LRRN1: variants seen among roughly 807,000 people sequenced by gnomAD.
LRRN1 encodes leucine-rich repeat neuronal protein 1.
LRRN1 carries 14 observed loss-of-function variants against 45.8 expected under a neutral mutation model. That is an observed-to-expected ratio of 0.31 (90% CI 0.20 to 0.48). The LOEUF (loss-of-function observed/expected upper bound fraction) is 0.48, where lower values mean the gene tolerates loss of function less well. LRRN1 is among the 20% of genes least tolerant of loss of function. The pLI is 0.99. For synonymous variants in LRRN1, 359 were observed against 330.1 expected (o/e 1.09, Z -0.95); for missense variants, 789 against 874.2 (o/e 0.90, Z 1.23).
intron 1 of LRRN1, among the ~76,000 whole-genome samples, chr3:3,812,522 T>A (rs557916498): frequency 1.3e-5 from 2 of 152,226 alleles, no homozygotes; most frequent in Non-Finnish European, 2.9e-5. Flanking sequence ...CTTTTCTGCC[T>A]ACTTCCAAAG....
At chr3:3,812,986 A>G (rs1457855784) in intron 1 of LRRN1, among the ~76,000 whole-genome samples, 1 of 152,180 alleles carries the variant, frequency 6.6e-6, no homozygotes, top group Non-Finnish European at 1.5e-5. Context: ...CTTTCATTGT[A>G]GTGAACCTCT....
chr3:3,840,181 A>T (rs578118758), intron 1 of LRRN1, among the ~76,000 whole-genome samples: 6 of 152,232 alleles, frequency 3.9e-5, no homozygotes, highest in African/African-American at 1.4e-4. Flanking sequence ...TGTTTTTATC[A>T]TGAAAAAGTG....
At chr3:3,809,960 C>G (rs767577163) in intron 1 of LRRN1, among the ~76,000 whole-genome samples, 20 of 152,104 alleles carry the variant, frequency 1.3e-4, no homozygotes, top group African/African-American at 4.6e-4. Context: ...TTTTAAGGGA[C>G]AAGAAGACTC....
At chr3:3,811,114 G>A (rs1171105731) in intron 1 of LRRN1, among the ~76,000 whole-genome samples, 3 of 152,096 alleles carry the variant, frequency 2.0e-5, no homozygotes. Flanking sequence ...TAAGTGTGCT[G>A]AGAGGAACAC....
In LRRN1 at chr3:3,845,111, C is replaced by G. The variant is rs1487007543; in HGVS notation, c.470C>G (p.Thr157Ser). The G allele has an allele frequency of 6.2e-7, 1 of 1,614,034 alleles. No individual in the cohort carries two copies. Among genetic ancestry groups the G allele is most frequent in the Non-Finnish European group, 8.5e-7 (1 of 1,180,032 alleles). ...ELYINHNQIS[T>S]ISAHAFAGLK... Reference sequence around the variant, plus strand: ...TACATCAACCACAACCAAATTAGCACTATTTCTGCTCATGCTTTTGCAGGC... The same window carrying G: ...TACATCAACCACAACCAAATTAGCAGTATTTCTGCTCATGCTTTTGCAGGC... Residue 157 changes from threonine (T) to serine (S), a missense_variant, in exon 2 of 2, where the codon ACT becomes AGT. By Grantham distance (58) the Thr-to-Ser change is moderately conservative (BLOSUM62 1). Transcript: ENST00000319331. The surrounding 1 kb of genome is among the most constrained non-coding windows in gnomAD (Gnocchi z 6.5).
In LRRN1 at chr3:3,847,360, A is replaced by T. The variant is rs1693800830; in HGVS notation, c.*568A>T. ...AACTGAATTGAATGTTTGCCTTTAAACAATGAATTTTCTTTTTCTTTCCTT... is the reference window on the plus strand; with the variant it reads ...AACTGAATTGAATGTTTGCCTTTAATCAATGAATTTTCTTTTTCTTTCCTT... On this transcript the variant is annotated 3_prime_UTR_variant, in exon 2 of 2. Transcript: ENST00000319331. The T allele has an allele frequency of 6.3e-6, 1 of 158,536 alleles. No individual in the cohort carries two copies. Among genetic ancestry groups the T allele is most frequent in the Non-Finnish European group, 1.5e-5 (1 of 66,924 alleles). The allele number at this position is 158,536 out of a possible 1,614,324, so 9.8% of individuals were successfully genotyped here.
At position 3,846,229 on chromosome 3, in the gene LRRN1, T is replaced by C. The variant is rs1280502041; in HGVS notation, c.1588T>C (p.Tyr530His). 4.3e-6 allele frequency: 7 copies of C among 1,613,948 alleles called. No homozygotes were observed. The Admixed American group carries it at 6.7e-5, about 15-fold the overall frequency. Reference protein sequence around the residue: ...LLDGTQVLKIYVKQTESHSIL... With the variant: ...LLDGTQVLKIHVKQTESHSIL... ...GGATGGTACCCAGGTGCTAAAAATA[T>C]ACGTCAAGCAGACAGAATCCCATTC... The change falls in exon 2 of 2, where the codon TAC becomes CAC. Residue 530 changes from tyrosine to histidine, a missense_variant. Transcript: ENST00000319331. This position sits in a 1 kb window ranked among gnomAD's most constrained non-coding sequence, Gnocchi z 5.7.
rs1394440441 is a variant in LRRN1, at chr3:3,845,045, CTG to C, written c.405_406del (p.Asp136LeufsTer20). The C allele has an allele frequency of 6.2e-7, 1 of 1,614,038 alleles. No homozygotes were observed. The highest frequency in any genetic ancestry group is 1.3e-5 in the African/African-American group (1 of 74,936). ...GAGGAAAATCAGATTACCGAGATGA[CTG>C]ATTACTGTCTACAAGACCTCAGCAA... On this transcript the variant is annotated frameshift_variant, in exon 2 of 2. Transcript: ENST00000319331. LOFTEE classifies it high-confidence loss of function. This position sits in a 1 kb window ranked among gnomAD's most constrained non-coding sequence, Gnocchi z 6.5.
chr3:3,838,212 A>G (rs1693567763), intron 1 of LRRN1, among the ~76,000 whole-genome samples: 1 of 152,194 alleles, frequency 6.6e-6, no homozygotes, highest in Admixed American at 6.5e-5. Context: ...AGAAAATTGA[A>G]ACTGGACCCC....
At chr3:3,818,756 A>G (rs1438874393) in intron 1 of LRRN1, among the ~76,000 whole-genome samples, 5 of 152,168 alleles carry the variant, frequency 3.3e-5, no homozygotes, top group Non-Finnish European at 7.3e-5. Context: ...AAGAAGTTAT[A>G]AAGATCATAG....
intron 1 of LRRN1, among the ~76,000 whole-genome samples, chr3:3,820,153 T>TA (rs1693073824): frequency 6.6e-6 from 1 of 152,208 alleles, no homozygotes; most frequent in Admixed American, 6.5e-5. Flanking sequence ...CCCTGCTAGT[T>TA]TTTAGAATTA....
intron 1 of LRRN1, among the ~76,000 whole-genome samples, chr3:3,844,030 T>C (rs914211938): frequency 3.3e-5 from 5 of 152,048 alleles, no homozygotes; most frequent in African/African-American, 9.7e-5. Context: ...ATTAAGTATG[T>C]ATGAGTGTGT....
chr3:3,845,241 AAACCCTGTG>A lies in LRRN1; in HGVS notation c.602_610del (p.Asn201_Val203del). Reference sequence around the variant, plus strand: ...ACCTGGAAATTCTCATGATCGGAGAAAACCCTGTGATTGGAATTCTGGATATGAACTTCA... The same window carrying A: ...ACCTGGAAATTCTCATGATCGGAGAAATTGGAATTCTGGATATGAACTTCA... On this transcript the variant is annotated inframe_deletion, in exon 2 of 2. Transcript: ENST00000319331. This position sits in a 1 kb window ranked among gnomAD's most constrained non-coding sequence, Gnocchi z 6.5. The A allele has an allele frequency of 6.2e-7, 1 of 1,614,184 alleles. No individual in the cohort carries two copies. Among genetic ancestry groups the A allele is most frequent in the South Asian group, 1.1e-5 (1 of 91,082 alleles).
At chr3:3,802,497 G>A (rs1216304180) in intron 1 of LRRN1, among the ~76,000 whole-genome samples, 2 of 152,212 alleles carry the variant, frequency 1.3e-5, no homozygotes, top group African/African-American at 2.4e-5. Flanking sequence ...CATTGTTTTG[G>A]AGGGCTCAGT....
intron 1 of LRRN1, among the ~76,000 whole-genome samples, chr3:3,815,762 A>G (rs1411450585): frequency 2.2e-4 from 33 of 152,152 alleles, no homozygotes; most frequent in African/African-American, 7.2e-5. Flanking sequence ...TTTCCTCACT[A>G]TTATAACCAT....
intron 1 of LRRN1, among the ~76,000 whole-genome samples, chr3:3,817,423 C>T (rs1454483596): frequency 1.3e-5 from 2 of 152,310 alleles, no homozygotes; most frequent in East Asian, 3.9e-4. Context: ...AGTCAAAGGA[C>T]AAGTACTGTC....
intron 1 of LRRN1, among the ~76,000 whole-genome samples, chr3:3,818,147 G>T (rs1693024871): frequency 6.6e-6 from 1 of 152,236 alleles, no homozygotes; most frequent in Non-Finnish European, 1.5e-5. Context: ...AGAATACCCA[G>T]TGCTATACTG....
intron 1 of LRRN1, among the ~76,000 whole-genome samples, chr3:3,812,461 A>G (rs895008753): frequency 3.9e-5 from 6 of 152,206 alleles, no homozygotes; most frequent in African/African-American, 1.4e-4. Context: ...GGTATGCTTG[A>G]TCAACAGGGA....
At chr3:3,840,680 T>C (rs187085149) in intron 1 of LRRN1, among the ~76,000 whole-genome samples, 3 of 152,352 alleles carry the variant, frequency 2.0e-5, no homozygotes, top group Non-Finnish European at 2.9e-5. Context: ...TTCTTATACA[T>C]ACATTCTTAT....
Sources: gnomAD v4.1 joint callset for allele counts (sites outside exome capture counted in the v4.1 genomes callset) on GRCh38, gnomAD v4.1.1 for gene constraint, Gnocchi (gnomAD v3.1) non-coding constraint, MANE v1.5 for transcripts, NCBI Gene and HGNC (gene_info 2026-07-23, HGNC 2026-07-21) for gene names.